SLC2A9: variants seen among roughly 807,000 people sequenced by gnomAD.
The protein encoded by SLC2A9 is solute carrier family 2, facilitated glucose transporter member 9.
SLC2A9 carries 39 observed loss-of-function variants against 50.6 expected under a neutral mutation model. The observed-to-expected ratio is 0.77, with a 90% CI of 0.60 to 1.01. The LOEUF is 1.01. SLC2A9 is among the 50% of genes least tolerant of loss of function. The probability of loss-of-function intolerance (pLI) is 0.00; values close to 1 mark genes in which losing one functional copy is unlikely to be tolerated. For synonymous variants in SLC2A9, 324 were observed against 276.9 expected (o/e 1.17, Z -1.69); for missense variants, 686 against 677.6 (o/e 1.01, Z -0.14).
At chr4:9,836,504 G>A (rs146888217) in intron 10 of SLC2A9, among the ~76,000 whole-genome samples, 1 of 152,194 alleles carries the variant, frequency 6.6e-6, no homozygotes, top group Non-Finnish European at 1.5e-5. Flanking sequence ...CCGAGTGGAG[G>A]GAGGGGCCAG....
At position 10,018,762 on chromosome 4, in the gene SLC2A9, G is replaced by T. The variant is rs558453663; in HGVS notation, c.249+213C>A. Among the ~76,000 whole-genome samples the T allele has an allele frequency of 2.6e-4, 39 of 150,710 alleles. No individual in the cohort carries two copies. The Middle Eastern group carries it at 0.017, about 66-fold the overall frequency. On this transcript the variant is annotated intron_variant, in intron 2 of 11. Coordinates refer to ENST00000264784, the MANE Select transcript of SLC2A9 (RefSeq NM_020041.3). Reference sequence around the variant, plus strand: ...GTTCTCCCAGGACACCCGCCCTCCAGCCGCAAGAACTGTCATCCCCCGCCC... The same window carrying T: ...GTTCTCCCAGGACACCCGCCCTCCATCCGCAAGAACTGTCATCCCCCGCCC...
chr4:9,809,488 G>A (rs1244777954), intron 3 of SLC2A9, among the ~76,000 whole-genome samples: 1 of 152,208 alleles, frequency 6.6e-6, no homozygotes, highest in Non-Finnish European at 1.5e-5. Context: ...CTGGGGTGGA[G>A]AGAAGGGAGC....
intron 3 of SLC2A9, among the ~76,000 whole-genome samples, chr4:9,996,531 T>C (rs1462248023): frequency 6.6e-6 from 1 of 152,214 alleles, no homozygotes; most frequent in Non-Finnish European, 1.5e-5. Context: ...TCCTCCCCCA[T>C]GTGGGTGCTG....
chr4:9,874,945 G>C (rs545507098), intron 10 of SLC2A9, among the ~76,000 whole-genome samples: 6,882 of 111,444 alleles, frequency 0.062, 27 homozygotes, highest in African/African-American at 0.082. Flanking sequence ...ATAGGTTAGC[G>C]TCTGTCTAAG....
At chr4:9,989,536 T>C (rs1179990584) in intron 3 of SLC2A9, among the ~76,000 whole-genome samples, 1 of 152,050 alleles carries the variant, frequency 6.6e-6, no homozygotes, top group Non-Finnish European at 1.5e-5. Flanking sequence ...TTTCTGCACC[T>C]GCATCTGTGC....
At chr4:9,776,932 C>G (rs145301944), downstream of SLC2A9, among the ~76,000 whole-genome samples, 2 of 152,142 alleles carry the variant, frequency 1.3e-5, no homozygotes, top group African/African-American at 2.4e-5. Flanking sequence ...ATATCCTGAC[C>G]CTTTTACCTC....
chr4:9,976,458 T>A (rs1754819644), intron 5 of SLC2A9, among the ~76,000 whole-genome samples: 1 of 152,210 alleles, frequency 6.6e-6, no homozygotes, highest in Non-Finnish European at 1.5e-5. Context: ...TAACTGTGAA[T>A]TTCACTTGGC....
chr4:10,037,924 C>T (rs1055579124), intron 1 of SLC2A9, among the ~76,000 whole-genome samples: 13 of 152,022 alleles, frequency 8.6e-5, no homozygotes, highest in Non-Finnish European at 1.8e-4. Context: ...GCACTCCAGC[C>T]TGGGTGACAG....
At chr4:9,912,437 G>A (rs758777393) in intron 7 of SLC2A9, among the ~76,000 whole-genome samples, 6 of 152,170 alleles carry the variant, frequency 3.9e-5, no homozygotes, top group Non-Finnish European at 7.3e-5. Flanking sequence ...GGTAAGGGCA[G>A]CAGGAAAGAA....
At chr4:9,785,427 G>A (rs907291693) in intron 3 of SLC2A9, among the ~76,000 whole-genome samples, 26 of 152,226 alleles carry the variant, frequency 1.7e-4, no homozygotes, top group African/African-American at 5.5e-4. Context: ...TGTTCACCTC[G>A]TGAACCTTGT....
chr4:9,895,350 G>A (rs1023968469), intron 8 of SLC2A9, among the ~76,000 whole-genome samples: 9 of 152,210 alleles, frequency 5.9e-5, no homozygotes, highest in African/African-American at 1.9e-4. Context: ...TCAGTCTCCC[G>A]GCTCTGTTCT....
At chr4:9,841,489 A>G (rs1439989210) in intron 10 of SLC2A9, among the ~76,000 whole-genome samples, 3 of 152,018 alleles carry the variant, frequency 2.0e-5, no homozygotes, top group Non-Finnish European at 2.9e-5. Flanking sequence ...CCAGATTGCC[A>G]CCTGCTGTGA....
intron 2 of SLC2A9, among the ~76,000 whole-genome samples, chr4:10,016,081 TG>T (rs1485270273): frequency 6.6e-6 from 1 of 152,182 alleles, no homozygotes; most frequent in Non-Finnish European, 1.5e-5. Context: ...TGACGAGCCG[TG>T]GTCTCGAGGT....
chr4:9,775,202 A>G (rs1447384854), downstream of SLC2A9, among the ~76,000 whole-genome samples: 2 of 152,176 alleles, frequency 1.3e-5, no homozygotes, highest in Non-Finnish European at 1.5e-5. Context: ...TCTAGACCAG[A>G]AAACCTCCAT....
Position 9,882,582 on chromosome 4 carries a change from G to A in SLC2A9, c.1291+4985C>T, listed in dbSNP as rs191429124. On this transcript the variant is annotated intron_variant, in intron 10 of 11. Coordinates refer to ENST00000264784, the MANE Select transcript of SLC2A9 (RefSeq NM_020041.3). ...AAATTAGCCAGGCGTGATGGTGGAC[G>A]CCTGCAGTCCCAGCTTCTTGGGAGG... Among the ~76,000 whole-genome samples, 536 of 152,104 alleles carry A rather than the reference G, an allele frequency of 3.5e-3. 3 individuals are homozygous for A. The highest frequency in any genetic ancestry group is 0.012 in the African/African-American group (499 of 41,466).
At chr4:9,845,019 A>AT (rs1363183978) in intron 10 of SLC2A9, among the ~76,000 whole-genome samples, 9 of 146,186 alleles carry the variant, frequency 6.2e-5, no homozygotes, top group Non-Finnish European at 1.2e-4. Context: ...GAAAAAGTTC[A>AT]ATTTTTTTTT....
chr4:9,868,168 C>T (rs1009291276), intron 10 of SLC2A9, among the ~76,000 whole-genome samples: 5 of 152,236 alleles, frequency 3.3e-5, no homozygotes, highest in African/African-American at 1.2e-4. Context: ...CTGGAGAAAG[C>T]GGTCTGTTCT....
chr4:9,921,300 ATTTT>A (rs573567024), intron 6 of SLC2A9, among the ~76,000 whole-genome samples: 1 of 150,254 alleles, frequency 6.7e-6, no homozygotes, highest in Non-Finnish European at 1.5e-5. Flanking sequence ...AGAACCCATC[ATTTT>A]TTTTTTAAAT....
At chr4:9,797,794 A>AT (rs554959243), downstream of SLC2A9, among the ~76,000 whole-genome samples, 212 of 152,100 alleles carry the variant, frequency 1.4e-3, no homozygotes, top group African/African-American at 4.3e-3. Flanking sequence ...TGATCCTACA[A>AT]TTTTTTTATT....
Sources: gnomAD v4.1 joint callset for allele counts (sites outside exome capture counted in the v4.1 genomes callset) on GRCh38, gnomAD v4.1.1 for gene constraint, MANE v1.5 for transcripts, NCBI Gene and HGNC (gene_info 2026-07-23, HGNC 2026-07-21) for gene names.